INPP4B: variants seen among roughly 807,000 people sequenced by gnomAD.
The protein encoded by INPP4B is inositol polyphosphate 4-phosphatase type II.
A neutral mutation model predicts 122.5 loss-of-function variants in INPP4B; 55 were observed. The ratio of observed to expected loss-of-function variants is 0.45; its 90% confidence interval spans 0.36 to 0.56. The LOEUF (loss-of-function observed/expected upper bound fraction) is 0.56, where lower values mean the gene tolerates loss of function less well. INPP4B is among the 20% of genes least tolerant of loss of function. INPP4B has a pLI of 0.00. For missense variants in INPP4B, 1,000 were observed against 1,097.7 expected (o/e 0.91, Z 1.26); for synonymous variants, 403 against 388.7 (o/e 1.04, Z -0.43).
chr4:142,511,506 C>T (rs1428598046), intron 2 of INPP4B, among the ~76,000 whole-genome samples: 1 of 152,036 alleles, frequency 6.6e-6, no homozygotes, highest in Non-Finnish European at 1.5e-5. Flanking sequence ...CGTGAGCTAA[C>T]AAAAGTAAGT....
chr4:142,397,605 C>T (rs1249737763), intron 7 of INPP4B, among the ~76,000 whole-genome samples: 3 of 151,960 alleles, frequency 2.0e-5, no homozygotes, highest in East Asian at 1.9e-4. Flanking sequence ...TTTGGGAGGC[C>T]GAAGCGGACG....
Position 142,628,799 on chromosome 4 carries a change from G to A in INPP4B, c.-191+97040C>T, listed in dbSNP as rs533353041. On this transcript the variant is annotated intron_variant, in intron 2 of 25. Coordinates refer to ENST00000262992, the MANE Select transcript of INPP4B (RefSeq NM_001101669.3). ...AGTTTTATTCTCCCATAGGAGTTCC[G>A]CCCAAACAAAAGATAAACGCAAATA... 4.5e-4 allele frequency among the ~76,000 whole-genome samples: 68 copies of A among 151,944 alleles called. No individual in the cohort carries two copies. In the South Asian group the frequency reaches 0.012, roughly 27 times the overall value.
chr4:142,064,760 G>A (rs1447104160), intron 25 of INPP4B, among the ~76,000 whole-genome samples: 1 of 151,926 alleles, frequency 6.6e-6, no homozygotes, highest in Non-Finnish European at 1.5e-5. Context: ...ATAAAATTCT[G>A]TGAATTTATG....
chr4:142,158,086 A>G (rs192180714), intron 17 of INPP4B, among the ~76,000 whole-genome samples: 2 of 152,188 alleles, frequency 1.3e-5, no homozygotes, highest in Non-Finnish European at 2.9e-5. Flanking sequence ...GGAATATAAC[A>G]TGCTCAAATT....
At chr4:142,233,065 C>T (rs1855106775) in intron 12 of INPP4B, among the ~76,000 whole-genome samples, 1 of 152,066 alleles carries the variant, frequency 6.6e-6, no homozygotes, top group Non-Finnish European at 1.5e-5. Flanking sequence ...AAGCAGCAAG[C>T]GCTGATGGAG....
chr4:142,408,905 G>A (rs1804007535), intron 5 of INPP4B, among the ~76,000 whole-genome samples: 1 of 152,088 alleles, frequency 6.6e-6, no homozygotes, highest in African/African-American at 2.4e-5. Flanking sequence ...GGATTCTAGT[G>A]TGCTTGTATC....
intron 5 of INPP4B, among the ~76,000 whole-genome samples, chr4:142,410,946 G>A: frequency 6.6e-6 from 1 of 151,862 alleles, no homozygotes; most frequent in East Asian, 1.9e-4. Context: ...TTCAATAAAA[G>A]CATTTGTTAA....
intron 9 of INPP4B, among the ~76,000 whole-genome samples, chr4:142,272,433 T>C (rs1746314964): frequency 6.6e-6 from 1 of 152,062 alleles, no homozygotes; most frequent in African/African-American, 2.4e-5. Context: ...AAGTGATTTA[T>C]TGTTAAATAG....
At chr4:142,333,588 A>G (rs897287905) in intron 7 of INPP4B, among the ~76,000 whole-genome samples, 1 of 152,210 alleles carries the variant, frequency 6.6e-6, no homozygotes, top group Non-Finnish European at 1.5e-5. Context: ...TTGTAGATAA[A>G]TATCATATAA....
rs112056908 is a variant in INPP4B, at chr4:142,738,320, G to A, written c.-253-12419C>T. On this transcript the variant is annotated intron_variant, in intron 1 of 25. Coordinates refer to ENST00000262992, the MANE Select transcript of INPP4B (RefSeq NM_001101669.3). ...TCATGTCCTTTGTAGGGACATGCAT[G>A]AAGCTGGAAACCATCATTCTCAGCA... Among the ~76,000 whole-genome samples the A allele has an allele frequency of 5.3e-5, 8 of 152,252 alleles. 1 individual carries two copies. The highest frequency in any genetic ancestry group is 1.9e-4 in the African/African-American group (8 of 41,564).
At chr4:142,495,251 G>A (rs888581874) in intron 2 of INPP4B, among the ~76,000 whole-genome samples, 2 of 150,978 alleles carry the variant, frequency 1.3e-5, no homozygotes, top group African/African-American at 4.9e-5. Context: ...TTAATAAATA[G>A]GACAATATTT....
chr4:142,528,846 C>A (rs1414672709), intron 2 of INPP4B, among the ~76,000 whole-genome samples: 1 of 152,020 alleles, frequency 6.6e-6, no homozygotes, highest in African/African-American at 2.4e-5. Flanking sequence ...CAGATATGTG[C>A]AGAATTGAGT....
chr4:142,596,401 GA>G (rs1738696751), intron 2 of INPP4B, among the ~76,000 whole-genome samples: 2 of 152,078 alleles, frequency 1.3e-5, no homozygotes, highest in African/African-American at 4.8e-5. Flanking sequence ...GACATATGAA[GA>G]AGCTCAGAAT....
intron 5 of INPP4B, among the ~76,000 whole-genome samples, chr4:142,418,559 C>T (rs1404907377): frequency 6.6e-6 from 1 of 151,852 alleles, no homozygotes; most frequent in Non-Finnish European, 1.5e-5. Context: ...ACTGGTAGAT[C>T]AGGCAAATGT....
intron 1 of INPP4B, among the ~76,000 whole-genome samples, chr4:142,837,568 G>T (rs1432153768): frequency 6.6e-6 from 1 of 151,998 alleles, no homozygotes; most frequent in Non-Finnish European, 1.5e-5. Flanking sequence ...TAATATAAAG[G>T]TTTTGCATGG....
At chr4:142,198,146 A>C (rs201979516) in intron 14 of INPP4B, among the ~76,000 whole-genome samples, 6 of 30 alleles carry the variant, frequency 0.2, no homozygotes, top group Non-Finnish European at 0.5. Context: ...TTATAAAAAT[A>C]AAAAAAATGA....
chr4:142,243,164 A>G (rs1907137), intron 11 of INPP4B, among the ~76,000 whole-genome samples: 95,711 of 152,028 alleles, frequency 0.63, 36,166 homozygotes, highest in Non-Finnish European at 0.82. Flanking sequence ...TAACTGAAAG[A>G]CCCCTTTATG....
At chr4:142,746,939 T>C (rs890299331) in intron 1 of INPP4B, among the ~76,000 whole-genome samples, 1 of 152,058 alleles carries the variant, frequency 6.6e-6, no homozygotes, top group Non-Finnish European at 1.5e-5. Context: ...ACCTAGGCAA[T>C]ACCATTCAGG....
intron 1 of INPP4B, among the ~76,000 whole-genome samples, chr4:142,748,516 T>C (rs981276339): frequency 6.6e-6 from 1 of 151,564 alleles, no homozygotes; most frequent in Admixed American, 6.6e-5. Context: ...GAAACAAAAT[T>C]GTAAAAATTA....
Sources: gnomAD v4.1 joint callset for allele counts (sites outside exome capture counted in the v4.1 genomes callset) on GRCh38, gnomAD v4.1.1 for gene constraint, MANE v1.5 for transcripts, NCBI Gene and HGNC (gene_info 2026-07-23, HGNC 2026-07-21) for gene names.